Variants in SLC24A2 observed in about 807,000 individuals in gnomAD.
SLC24A2 encodes solute carrier family 24 member 2.
Under a neutral mutation model 62.0 loss-of-function variants are expected in SLC24A2, and 36 were observed. The ratio of observed to expected loss-of-function variants is 0.58; its 90% CI spans 0.44 to 0.77. SLC24A2 has a LOEUF of 0.77. SLC24A2 is among the 30% of genes least tolerant of loss of function. SLC24A2 has a pLI of 0.00. For missense variants in SLC24A2, 846 were observed against 817.9 expected (o/e 1.03, Z -0.42); for synonymous variants, 358 against 294.0 (o/e 1.22, Z -2.23).
At chr9:19,774,756 G>A (rs972667749) in intron 2 of SLC24A2, among the ~76,000 whole-genome samples, 19 of 152,192 alleles carry the variant, frequency 1.2e-4, no homozygotes, top group African/African-American at 4.3e-4. Context: ...AGAAGGTCCT[G>A]TAGATGGGTA....
Position 19,632,242 on chromosome 9 carries a change from C to T in SLC24A2, c.931-9943G>A, listed in dbSNP as rs1168696953. On this transcript the variant is annotated intron_variant, in intron 2 of 10. Coordinates refer to ENST00000341998, the MANE Select transcript of SLC24A2 (RefSeq NM_020344.4). This position sits in a 1 kb window ranked among gnomAD's most constrained non-coding sequence, Gnocchi z 4.5. ...GCCATCCTTTGCTGTCATAGGGAGT[C>T]CAGGCAAATTGTCATTTTATCTATG... 6.6e-6 allele frequency among the ~76,000 whole-genome samples: 1 copy of T among 152,172 alleles called. No homozygotes were observed.
the SLC24A2 span, among the ~76,000 whole-genome samples, chr9:20,174,049 A>G: frequency 2.0e-5 from 3 of 152,090 alleles, no homozygotes; most frequent in Non-Finnish European, 4.4e-5. Flanking sequence ...AAACCGAAAT[A>G]CTTATAGCCA....
chr9:19,577,934 G>T (rs1386370102), intron 5 of SLC24A2, among the ~76,000 whole-genome samples: 1 of 151,468 alleles, frequency 6.6e-6, no homozygotes, highest in South Asian at 2.1e-4. Flanking sequence ...AACAGCATTT[G>T]CAGTGATCTG....
At chr9:19,543,782 A>G (rs957641477) in intron 8 of SLC24A2, among the ~76,000 whole-genome samples, 25 of 152,104 alleles carry the variant, frequency 1.6e-4, no homozygotes, top group South Asian at 4.2e-4. Flanking sequence ...TGATTGCACT[A>G]TGGTCTGAGA....
chr9:19,530,883 T>C (rs114922271), intron 8 of SLC24A2, among the ~76,000 whole-genome samples: 4 of 152,144 alleles, frequency 2.6e-5, no homozygotes, highest in Admixed American at 2.6e-4. Context: ...AGAGATAAAA[T>C]TCAAACTAGG....
chr9:19,906,267 C>G, the SLC24A2 span, among the ~76,000 whole-genome samples: 2 of 151,796 alleles, frequency 1.3e-5, no homozygotes, highest in African/African-American at 4.8e-5. Flanking sequence ...TAAAGATGTT[C>G]TTTGAAACCA....
chr9:20,126,197 T>C, the SLC24A2 span, among the ~76,000 whole-genome samples: 1 of 152,196 alleles, frequency 6.6e-6, no homozygotes. Context: ...TTTTAATTTT[T>C]GCCAAGCTAG....
At chr9:19,723,110 A>C (rs1029374500) in intron 2 of SLC24A2, among the ~76,000 whole-genome samples, 8 of 152,178 alleles carry the variant, frequency 5.3e-5, no homozygotes, top group Non-Finnish European at 1.0e-4. Flanking sequence ...AAGACCTGTC[A>C]ATCTAAGCAT....
the SLC24A2 span, among the ~76,000 whole-genome samples, chr9:20,004,705 T>TCTTGTCTC: frequency 6.6e-6 from 1 of 152,218 alleles, no homozygotes; most frequent in Non-Finnish European, 1.5e-5. Flanking sequence ...TTCATGGCAA[T>TCTTGTCTC]ATGATATATC....
the SLC24A2 span, among the ~76,000 whole-genome samples, chr9:19,843,500 G>A: frequency 2.0e-5 from 3 of 152,150 alleles, no homozygotes; most frequent in East Asian, 1.9e-4. Context: ...CAACAAGAGC[G>A]AAACTCCATA....
the SLC24A2 span, among the ~76,000 whole-genome samples, chr9:20,143,780 AAAG>A: frequency 6.6e-6 from 1 of 152,238 alleles, no homozygotes; most frequent in Non-Finnish European, 1.5e-5. Flanking sequence ...GGTATTCTGA[AAAG>A]AAGAAATATA....
the SLC24A2 span, among the ~76,000 whole-genome samples, chr9:19,831,360 G>GT: frequency 6.6e-6 from 1 of 152,030 alleles, no homozygotes. Flanking sequence ...AAAGTCCACT[G>GT]TTTTTTATAG....
At chr9:20,097,708 G>A in the SLC24A2 span, among the ~76,000 whole-genome samples, 39 of 116,562 alleles carry the variant, frequency 3.3e-4, 2 homozygotes, top group African/African-American at 1.2e-3. Context: ...CAGGGTTTCA[G>A]AATCTTAAAT....
chr9:20,041,647 G>T, the SLC24A2 span, among the ~76,000 whole-genome samples: 1 of 152,332 alleles, frequency 6.6e-6, no homozygotes, highest in South Asian at 2.1e-4. Context: ...TTCAGGGTCT[G>T]CCTCATACAT....
chr9:20,250,795 T>C, the SLC24A2 span, among the ~76,000 whole-genome samples: 3 of 152,204 alleles, frequency 2.0e-5, no homozygotes, highest in African/African-American at 7.2e-5. Context: ...TATTTAATAC[T>C]ATGTAGCCTA....
chr9:20,301,939 CT>C, the SLC24A2 span, among the ~76,000 whole-genome samples: 113 of 152,228 alleles, frequency 7.4e-4, 1 homozygote, highest in African/African-American at 2.6e-3. Flanking sequence ...AACCATTGGT[CT>C]TTTTACTGTC....
chr9:20,019,299 GAA>G, the SLC24A2 span, among the ~76,000 whole-genome samples: 2 of 148,892 alleles, frequency 1.3e-5, no homozygotes, highest in African/African-American at 5.2e-5. Flanking sequence ...AAGAAAGAAA[GAA>G]AGAAAGAAAG....
chr9:19,821,641 C>G, the SLC24A2 span, among the ~76,000 whole-genome samples: 3 of 152,016 alleles, frequency 2.0e-5, no homozygotes, highest in Non-Finnish European at 4.4e-5. Flanking sequence ...TCCTGTATTT[C>G]TATTTCTTAG....
At chr9:19,857,551 T>C in the SLC24A2 span, among the ~76,000 whole-genome samples, 1 of 152,214 alleles carries the variant, frequency 6.6e-6, no homozygotes, top group African/African-American at 2.4e-5. Flanking sequence ...GCAATATTTT[T>C]TAGTTTACAG....
Sources: allele counts gnomAD v4.1 joint callset (sites outside exome capture counted in the v4.1 genomes callset), GRCh38; gene constraint gnomAD v4.1.1; non-coding constraint Gnocchi (gnomAD v3.1); transcripts MANE v1.5; gene names NCBI Gene and HGNC (gene_info 2026-07-23, HGNC 2026-07-21).